TMEM169: variants seen among roughly 807,000 people sequenced by gnomAD.
The protein encoded by TMEM169 is transmembrane protein 169.
TMEM169 carries 18 observed loss-of-function variants against 27.3 expected under a neutral mutation model. The ratio of observed to expected loss-of-function variants is 0.66; its 90% CI spans 0.46 to 0.98. The LOEUF (loss-of-function observed/expected upper bound fraction) is 0.98. Ranked by LOEUF, TMEM169 falls within the 50% of genes least tolerant of loss-of-function variation. The pLI, the probability that TMEM169 is intolerant of heterozygous loss-of-function variation, is 0.00. For synonymous variants in TMEM169, 136 were observed against 142.1 expected, an observed-to-expected ratio of 0.96 and a Z score of 0.30; for missense variants, 320 against 368.6, an observed-to-expected ratio of 0.87 and a Z score of 1.08.
rs984197110 is a variant in TMEM169, at chr2:216,081,922, A to G, written c.-184A>G. 7 of 646,276 alleles carry G rather than the reference A, an allele frequency of 1.1e-5. No homozygotes were observed. The African/African-American group carries it at 1.3e-4, about 12-fold the overall frequency. The allele number at this position is 646,276 out of a possible 1,614,324, so 40.0% of individuals were successfully genotyped here. On this transcript the variant is annotated 5_prime_UTR_variant, in exon 1 of 3. Coordinates refer to ENST00000437356, the MANE Select transcript of TMEM169 (RefSeq NM_001142311.2). Reference sequence around the variant, plus strand: ...CAAAGCCGCATCCTCCCGGAGCAGAACCGCTCCCCGCCGGCTGTCCGCAAC... The same window carrying G: ...CAAAGCCGCATCCTCCCGGAGCAGAGCCGCTCCCCGCCGGCTGTCCGCAAC...
rs1225088712 is a variant in TMEM169, at chr2:216,100,863, A to G, written c.*321A>G. The G allele has an allele frequency of 7.9e-6, 3 of 378,004 alleles. No individual in the cohort carries two copies. Among genetic ancestry groups the G allele is most frequent in the Non-Finnish European group, 1.5e-5 (3 of 202,118 alleles). 23.4% of individuals were successfully genotyped at this position (378,004 alleles called of 1,614,324 possible). A position where few individuals can be genotyped will look rare whatever the true frequency, so the allele number is the denominator to read the frequency against. On this transcript the variant is annotated 3_prime_UTR_variant, in exon 3 of 3. Transcript: ENST00000437356. ...ACTGGTGCCTGGAACTGAGGGGAGTATGTGACTAAATGTGTCAGGGAGAAT... is the reference window on the plus strand; with the variant it reads ...ACTGGTGCCTGGAACTGAGGGGAGTGTGTGACTAAATGTGTCAGGGAGAAT...
chr2:216,099,812 G>A lies in TMEM169; in HGVS notation c.272-108G>A, dbSNP rs1696343892. The stretch of plus-strand genomic sequence containing the variant: ...CACTGACTCAGGACTGTGCCAGATG[G>A]TGTAAAAAAGGCTACTCTTGTCCTC... On this transcript the variant is annotated intron_variant, in intron 2 of 2. Coordinates refer to ENST00000437356, the MANE Select transcript of TMEM169 (RefSeq NM_001142311.2). The surrounding 1 kb of genome is among the most constrained non-coding windows in gnomAD (Gnocchi z 5.0). 7.0e-7 allele frequency: 1 copy of A among 1,435,004 alleles called. No homozygotes were observed. The highest frequency in any genetic ancestry group is 2.2e-5 in the Admixed American group (1 of 44,856). 88.9% of individuals were successfully genotyped at this position (1,435,004 alleles called of 1,614,324 possible).
At chr2:216,089,747 C>A (rs972535444) in intron 1 of TMEM169, among the ~76,000 whole-genome samples, 1 of 152,316 alleles carries the variant, frequency 6.6e-6, no homozygotes, top group Admixed American at 6.5e-5. Context: ...AGCCACCACA[C>A]CTGGCCTTGA....
At chr2:216,097,608 C>G (rs978095302) in intron 2 of TMEM169, among the ~76,000 whole-genome samples, 1 of 151,872 alleles carries the variant, frequency 6.6e-6, no homozygotes, top group Non-Finnish European at 1.5e-5. Flanking sequence ...TATTGTGCAG[C>G]CGTAGAGAGA....
At position 216,099,877 on chromosome 2, in the gene TMEM169, C is replaced by T. The variant is rs767232311; in HGVS notation, c.272-43C>T. 56 of 1,570,210 alleles carry T rather than the reference C, an allele frequency of 3.6e-5. No individual in the cohort carries two copies. The East Asian group carries it at 1.1e-3, about 29-fold the overall frequency. On this transcript the variant is annotated intron_variant, in intron 2 of 2. Transcript: ENST00000437356. This position sits in a 1 kb window ranked among gnomAD's most constrained non-coding sequence, Gnocchi z 5.0. ...AGGGTGCAACATGGAGATGCAATGCCCACTCTTCTGATCTTGACTCTCACC... is the reference window on the plus strand; with the variant it reads ...AGGGTGCAACATGGAGATGCAATGCTCACTCTTCTGATCTTGACTCTCACC...
rs60241289 is a variant in TMEM169, at chr2:216,093,125, AGTGTGTGTGTGT to A, written c.-126-2686_-126-2675del. Among the ~76,000 whole-genome samples, 843 of 145,898 alleles carry A rather than the reference AGTGTGTGTGTGT, an allele frequency of 5.8e-3. 8 individuals carry two copies. The highest frequency in any genetic ancestry group is 0.046 in the East Asian group (231 of 5,048). On this transcript the variant is annotated intron_variant, in intron 1 of 2. Coordinates refer to ENST00000437356, the MANE Select transcript of TMEM169 (RefSeq NM_001142311.2). The stretch of plus-strand genomic sequence containing the variant: ...ATCCTGGAACTTAACGTAATAATGA[AGTGTGTGTGTGT>A]GTGTGTGTGTGTGTGTGTGTGTGTG...
chr2:216,099,193 T>G lies in TMEM169; in HGVS notation c.272-727T>G, dbSNP rs954668441. Among the ~76,000 whole-genome samples the G allele has an allele frequency of 1.3e-5, 2 of 150,930 alleles. No homozygotes were observed. The highest frequency in any genetic ancestry group is 2.4e-5 in the African/African-American group (1 of 40,978). On this transcript the variant is annotated intron_variant, in intron 2 of 2. Transcript: ENST00000437356. The surrounding 1 kb of genome is among the most constrained non-coding windows in gnomAD (Gnocchi z 5.0). ...ATGTGTGGGGAGGTTGTGTGTGGCA[T>G]GTGTGTGGTGTATGTGTTATGTATG... is the stretch of plus-strand genomic sequence containing the variant.
intron 1 of TMEM169, among the ~76,000 whole-genome samples, chr2:216,094,802 A>G (rs1238673165): frequency 2.0e-5 from 3 of 152,184 alleles, no homozygotes; most frequent in African/African-American, 7.2e-5. Flanking sequence ...AGATATACAG[A>G]CCTGCACTGT....
rs1040327321 is a variant in TMEM169 at position 216,102,490 on chromosome 2, A to G, written c.*1948A>G. 2 of 152,552 alleles carry G rather than the reference A, an allele frequency of 1.3e-5. No homozygotes were observed. Among genetic ancestry groups the G allele is most frequent in the African/African-American group, 4.8e-5 (2 of 41,428 alleles). The allele number at this position is 152,552 out of a possible 1,614,324, so 9.4% of individuals were successfully genotyped here. On this transcript the variant is annotated 3_prime_UTR_variant, in exon 3 of 3. Transcript: ENST00000437356. Reference sequence around the variant, plus strand: ...AATAGCTGGTGCTCTTTTCTTGTTCATGTCTCAAAACAAAGCTGTTGAGAG... The same window carrying G: ...AATAGCTGGTGCTCTTTTCTTGTTCGTGTCTCAAAACAAAGCTGTTGAGAG...
Position 216,095,109 on chromosome 2 carries a change from C to CTTTTTTTTTTTTTTTTTT in TMEM169, c.-126-715_-126-714insTTTTTTTTTTTTTTTTTT, listed in dbSNP as rs71047975. 2.6e-3 allele frequency among the ~76,000 whole-genome samples: 289 copies of CTTTTTTTTTTTTTTTTTT among 110,456 alleles called. 20 individuals carry two copies. Among genetic ancestry groups the CTTTTTTTTTTTTTTTTTT allele is most frequent in the African/African-American group, 8.9e-3 (219 of 24,522 alleles). 72.5% of individuals were successfully genotyped at this position (110,456 alleles called of 152,430 possible). A position where few individuals can be genotyped will look rare whatever the true frequency, so the allele number is the denominator to read the frequency against. On this transcript the variant is annotated intron_variant, in intron 1 of 2. Coordinates refer to ENST00000437356, the MANE Select transcript of TMEM169 (RefSeq NM_001142311.2). ...AGCCACCTATGGTTCTTTTTTCTTT[C>CTTTTTTTTTTTTTTTTTT]TTTTTTTTTTTTTTGACAGAGTCTC...
intron 1 of TMEM169, among the ~76,000 whole-genome samples, chr2:216,092,453 T>C (rs1198286048): frequency 6.6e-6 from 1 of 152,178 alleles, no homozygotes; most frequent in Non-Finnish European, 1.5e-5. Context: ...TGGCCACTTT[T>C]TAATGTTTAT....
At chr2:216,094,488 A>G (rs1384793445) in intron 1 of TMEM169, among the ~76,000 whole-genome samples, 5 of 152,208 alleles carry the variant, frequency 3.3e-5, no homozygotes, top group Admixed American at 6.5e-5. Context: ...TTTAATGGGT[A>G]TAGTCAATGG....
intron 1 of TMEM169, among the ~76,000 whole-genome samples, chr2:216,091,018 A>G (rs1278521439): frequency 1.3e-5 from 2 of 152,246 alleles, no homozygotes; most frequent in Non-Finnish European, 2.9e-5. Flanking sequence ...CCAGACCCTG[A>G]TTGGCCAAAA....
intron 1 of TMEM169, among the ~76,000 whole-genome samples, chr2:216,091,455 G>A (rs952883020): frequency 6.6e-6 from 1 of 151,590 alleles, no homozygotes; most frequent in South Asian, 2.1e-4. Context: ...TAATTGGGAG[G>A]CTGAGGCAGG....
At position 216,099,699 on chromosome 2, in the gene TMEM169, C is replaced by G. The variant is rs1263180812; in HGVS notation, c.272-221C>G. 6.6e-6 allele frequency among the ~76,000 whole-genome samples: 1 copy of G among 152,078 alleles called. No homozygotes were observed. Among genetic ancestry groups the G allele is most frequent in the African/African-American group, 2.4e-5 (1 of 41,396 alleles). On this transcript the variant is annotated intron_variant, in intron 2 of 2. Transcript: ENST00000437356. This position sits in a 1 kb window ranked among gnomAD's most constrained non-coding sequence, Gnocchi z 5.0. Reference sequence around the variant, plus strand: ...AACCTGCCTCACAATTTTATCAGGGCCCAGGCACAAGGACTGAGAGTTCAT... The same window carrying G: ...AACCTGCCTCACAATTTTATCAGGGGCCAGGCACAAGGACTGAGAGTTCAT...
At position 216,099,800 on chromosome 2, in the gene TMEM169, C is replaced by G; in HGVS notation, c.272-120C>G. On this transcript the variant is annotated intron_variant, in intron 2 of 2. Coordinates refer to ENST00000437356, the MANE Select transcript of TMEM169 (RefSeq NM_001142311.2). The surrounding 1 kb of genome is among the most constrained non-coding windows in gnomAD (Gnocchi z 5.0). The stretch of plus-strand genomic sequence containing the variant: ...CCGCCATTGAATCACTGACTCAGGA[C>G]TGTGCCAGATGGTGTAAAAAAGGCT... 3 of 1,351,406 alleles carry G rather than the reference C, an allele frequency of 2.2e-6. No individual in the cohort carries two copies. The highest frequency in any genetic ancestry group is 2.0e-6 in the Non-Finnish European group (2 of 990,784). The allele number at this position is 1,351,406 out of a possible 1,614,324, so 83.7% of individuals were successfully genotyped here.
chr2:216,086,703 A>C (rs1696007103), intron 1 of TMEM169, among the ~76,000 whole-genome samples: 2 of 152,204 alleles, frequency 1.3e-5, no homozygotes, highest in African/African-American at 2.4e-5. Flanking sequence ...TTTGTACTAC[A>C]TGTCCAGCCC....
rs60241289 is a variant in TMEM169, at chr2:216,093,125, AGTGT to A, written c.-126-2678_-126-2675del. Among the ~76,000 whole-genome samples, 1,056 of 145,810 alleles carry A rather than the reference AGTGT, an allele frequency of 7.2e-3. 6 individuals carry two copies. The highest frequency in any genetic ancestry group is 0.021 in the East Asian group (107 of 5,050). On this transcript the variant is annotated intron_variant, in intron 1 of 2. Coordinates refer to ENST00000437356, the MANE Select transcript of TMEM169 (RefSeq NM_001142311.2). Reference sequence around the variant, plus strand: ...ATCCTGGAACTTAACGTAATAATGAAGTGTGTGTGTGTGTGTGTGTGTGTGTGTG... The same window carrying A: ...ATCCTGGAACTTAACGTAATAATGAAGTGTGTGTGTGTGTGTGTGTGTGTG...
rs1031408975 is a variant in TMEM169, at chr2:216,099,636, T to C, written c.272-284T>C. ...CGTGCCACAGAGATTGTGCCAAGATTGAGGCCCCAAAAAGCGGAGAGAGTA... is the reference window on the plus strand; with the variant it reads ...CGTGCCACAGAGATTGTGCCAAGATCGAGGCCCCAAAAAGCGGAGAGAGTA... On this transcript the variant is annotated intron_variant, in intron 2 of 2. Coordinates refer to ENST00000437356, the MANE Select transcript of TMEM169 (RefSeq NM_001142311.2). The surrounding 1 kb of genome is among the most constrained non-coding windows in gnomAD (Gnocchi z 5.0). Among the ~76,000 whole-genome samples, 1 of 152,104 alleles carries C rather than the reference T, an allele frequency of 6.6e-6. No individual in the cohort carries two copies. The highest frequency in any genetic ancestry group is 1.5e-5 in the Non-Finnish European group (1 of 68,006).
Sources: gnomAD v4.1 joint callset for allele counts (sites outside exome capture counted in the v4.1 genomes callset) on GRCh38, gnomAD v4.1.1 for gene constraint, Gnocchi (gnomAD v3.1) non-coding constraint, MANE v1.5 for transcripts, NCBI Gene and HGNC (gene_info 2026-07-23, HGNC 2026-07-21) for gene names.